HHATL: variants seen among roughly 807,000 people sequenced by gnomAD.
The protein encoded by HHATL is hedgehog acyltransferase like.
Under a neutral mutation model 59.7 loss-of-function variants are expected in HHATL, and 49 were observed. The observed-to-expected ratio is 0.82, with a 90% CI of 0.65 to 1.04. The LOEUF (loss-of-function observed/expected upper bound fraction) is 1.04, where lower values mean the gene tolerates loss of function less well. HHATL is among the 50% of genes least tolerant of loss of function. The pLI, the probability that HHATL is intolerant of heterozygous loss-of-function variation, is 0.00. For missense variants in HHATL, 605 were observed against 650.8 expected (o/e 0.93, Z 0.77); for synonymous variants, 238 against 257.3 (o/e 0.93, Z 0.72).
At chr3:42,700,942 C>A in intron 1 of HHATL, 103 bp from the exon 2 acceptor site, 3 of 704,876 alleles carry the variant, frequency 4.3e-6, no homozygotes, top group East Asian at 2.7e-5. Flanking sequence ...AGAGAGATTG[C>A]CCCTCCAGCC....
chr3:42,702,707 C>T lies in HHATL; in HGVS notation c.-142G>A, dbSNP rs542113336. On this transcript the variant is annotated 5_prime_UTR_variant, in exon 1 of 12. Transcript: ENST00000441594. ...TGGGGTGTGTCCAGCCCTGGGGTCCCCACCCCCTTGAGGTTATGAGCGGTG... is the reference window on the plus strand; with the variant it reads ...TGGGGTGTGTCCAGCCCTGGGGTCCTCACCCCCTTGAGGTTATGAGCGGTG... 7.1e-4 allele frequency: 108 copies of T among 152,950 alleles called. No homozygotes were observed. Among genetic ancestry groups the T allele is most frequent in the Non-Finnish European group, 1.1e-3 (78 of 68,552 alleles). 9.5% of individuals were successfully genotyped at this position (152,950 alleles called of 1,614,324 possible).
chr3:42,693,126 C>A lies in HHATL; in HGVS notation c.1341G>T (p.Leu447=). Residue 447 remains leucine, a synonymous_variant, in exon 11 of 12, where the codon CTG becomes CTT. Transcript: ENST00000441594. ...CCAGCTCTGTGAATTTGAGGCTGTT[C>A]AGGCTCACAAGGTTGTACATGATGA... ...WAIIMYNLVS[L]NSLKFTELVA... 6.2e-7 allele frequency: 1 copy of A among 1,614,194 alleles called. No individual in the cohort carries two copies. Among genetic ancestry groups the A allele is most frequent in the Non-Finnish European group, 8.5e-7 (1 of 1,180,042 alleles).
At chr3:42,700,391 TG>T (rs1697902496) in intron 2 of HHATL, among the ~76,000 whole-genome samples, 1 of 150,156 alleles carries the variant, frequency 6.7e-6, no homozygotes, top group African/African-American at 2.5e-5. Flanking sequence ...GGGATGTGTG[TG>T]TGTGTATGTC....
chr3:42,696,370 C>T (rs1243570243), intron 9 of HHATL, among the ~76,000 whole-genome samples: 2 of 152,170 alleles, frequency 1.3e-5, no homozygotes, highest in African/African-American at 4.8e-5. Flanking sequence ...CTAAAAACCA[C>T]CTGCCCACAC....
rs528759877 is a variant in HHATL at position 42,694,704 on chromosome 3, A to C, written c.1047-886T>G. On this transcript the variant is annotated intron_variant, in intron 9 of 11. Coordinates refer to ENST00000441594, the MANE Select transcript of HHATL (RefSeq NM_020707.4). ...CACCCACACAGTTGGTTTGTGTCTC[A>C]AGGCCTTTGCCCTTGTTGTTCCCTC... Among the ~76,000 whole-genome samples, 22 of 152,232 alleles carry C rather than the reference A, an allele frequency of 1.4e-4. No homozygotes were observed. In the East Asian group the frequency reaches 3.9e-3, roughly 27 times the overall value.
rs904664637 is a variant in HHATL, at chr3:42,697,554, G to T, written c.819C>A (p.Ile273=). The T allele has an allele frequency of 3.1e-6, 5 of 1,614,002 alleles. No individual in the cohort carries two copies. Among genetic ancestry groups the T allele is most frequent in the Non-Finnish European group, 4.2e-6 (5 of 1,179,988 alleles). Reference sequence around the variant, plus strand: ...GGTTGGCGAACTTGAGGTCGCTGGGGATAGTGAGGATGTAGAAGAAGTGAA... The same window carrying T: ...GGTTGGCGAACTTGAGGTCGCTGGGTATAGTGAGGATGTAGAAGAAGTGAA... The part of the protein sequence containing the change: ...IFFHFFYILT[I]PSDLKFANRL... The change falls in exon 7 of 12, where the codon ATC becomes ATA. Residue 273 remains isoleucine (I), a synonymous_variant. Transcript: ENST00000441594.
chr3:42,696,509 C>T lies in HHATL; in HGVS notation c.1046+333G>A, dbSNP rs114155241. Among the ~76,000 whole-genome samples, 928 of 152,288 alleles carry T rather than the reference C, an allele frequency of 6.1e-3. 10 individuals are homozygous for T. Among genetic ancestry groups the T allele is most frequent in the African/African-American group, 0.021 (870 of 41,546 alleles). On this transcript the variant is annotated intron_variant, in intron 9 of 11. Coordinates refer to ENST00000441594, the MANE Select transcript of HHATL (RefSeq NM_020707.4). The stretch of plus-strand genomic sequence containing the variant: ...ACTATACATTTCTTAAACTGAAGCC[C>T]TCTCTGGAAACTGCCCTCCATCCTC...
In HHATL at chr3:42,693,105, C is replaced by T. The variant is rs756329889; in HGVS notation, c.1362G>A (p.Glu454=). The stretch of plus-strand genomic sequence containing the variant: ...TGAGTAGCAGGCGCCGGGCAACCAG[C>T]TCTGTGAATTTGAGGCTGTTCAGGC... ...LVSLNSLKFT[E]LVARRLLLTG... is the part of the protein sequence containing the mutation. Residue 454 remains glutamate, a synonymous_variant, in exon 11 of 12, where the codon GAG becomes GAA. Transcript: ENST00000441594. The T allele has an allele frequency of 1.9e-6, 3 of 1,614,062 alleles. No individual in the cohort carries two copies. The East Asian group carries it at 6.7e-5, about 36-fold the overall frequency.
At chr3:42,702,184 C>A (rs1575253177) in intron 1 of HHATL, among the ~76,000 whole-genome samples, 2 of 152,342 alleles carry the variant, frequency 1.3e-5, no homozygotes, top group East Asian at 3.9e-4. Context: ...GGTGGAGGCA[C>A]CTCCTCATCA....
intron 11 of HHATL, 33 bp downstream of exon 11, chr3:42,693,044 C>T (rs746392510): frequency 1.9e-6 from 3 of 1,612,362 alleles, no homozygotes; most frequent in Non-Finnish European, 2.5e-6. Context: ...TGATGCCTGG[C>T]ACCTTCTGTA....
intron 7 of HHATL, 85 bp from the exon 8 acceptor site, chr3:42,697,230 G>T (rs1003041566): frequency 5.4e-6 from 8 of 1,469,050 alleles, no homozygotes; most frequent in Admixed American, 4.8e-5. Flanking sequence ...CTTCCTTGGG[G>T]AGACACCAGG....
Position 42,692,933 on chromosome 3 carries a change from T to A in HHATL, c.1391-58A>T. The A allele has an allele frequency of 2.5e-6, 4 of 1,594,426 alleles. No homozygotes were observed. The East Asian group carries it at 9.0e-5, about 36-fold the overall frequency. Reference sequence around the variant, plus strand: ...GCAGCACTGCATCCTCAGCGACTTTTGTCTTCCCACCCCTCTCCCCGCTTG... The same window carrying A: ...GCAGCACTGCATCCTCAGCGACTTTAGTCTTCCCACCCCTCTCCCCGCTTG... On this transcript the variant is annotated intron_variant, in intron 11 of 11. Coordinates refer to ENST00000441594, the MANE Select transcript of HHATL (RefSeq NM_020707.4).
In HHATL at chr3:42,697,112, C is replaced by T. The variant is rs367574005; in HGVS notation, c.899G>A (p.Trp300Ter). The change falls in exon 8 of 12, where the codon TGG becomes TAG. Residue 300 changes from tryptophan (W) to a stop codon, truncating the protein, a stop_gained. Transcript: ENST00000441594. LOFTEE classifies it high-confidence loss of function. ...GLAYSNLVYD[W>*]VKAAVLFGVV... ...ACCAAAGAGGACGGCCGCCTTCACCCAGTCATACACCAGGTTTGAATAGGC... is the reference window on the plus strand; with the variant it reads ...ACCAAAGAGGACGGCCGCCTTCACCTAGTCATACACCAGGTTTGAATAGGC... The T allele has an allele frequency of 1.3e-6, 2 of 1,553,070 alleles. No individual in the cohort carries two copies. Among genetic ancestry groups the T allele is most frequent in the East Asian group, 2.3e-5 (1 of 44,372 alleles).
chr3:42,692,670 G>GAA lies in HHATL; in HGVS notation c.*79_*80dup. On this transcript the variant is annotated 3_prime_UTR_variant, in exon 12 of 12. Transcript: ENST00000441594. ...GTCAGGGAACAGCCAAGCTGTTGTA[G>GAA]AAAAGTCTTTTATTCTATCGGTCAG... 1 of 1,598,850 alleles carries GAA rather than the reference G, an allele frequency of 6.3e-7. No individual in the cohort carries two copies. Among genetic ancestry groups the GAA allele is most frequent in the Admixed American group, 1.7e-5 (1 of 58,936 alleles).
chr3:42,698,055 G>A (rs891576031), intron 6 of HHATL, 87 bp downstream of exon 6: 4 of 1,344,104 alleles, frequency 3.0e-6, no homozygotes, highest in Non-Finnish European at 4.2e-6. Flanking sequence ...GATACAGCCT[G>A]CTTGGGGAAT....
At chr3:42,700,250 C>CTG (rs1314727250) in intron 2 of HHATL, among the ~76,000 whole-genome samples, 1 of 124,988 alleles carries the variant, frequency 8.0e-6, no homozygotes, top group African/African-American at 3.1e-5. Flanking sequence ...AGGTCTCTCT[C>CTG]TGTGTGTGTG....
In HHATL at chr3:42,700,775, C is replaced by T. The variant is rs1463866036; in HGVS notation, c.52G>A (p.Val18Met). Residue 18 changes from valine (V) to methionine (M), a missense_variant, in exon 2 of 12, where the codon GTG becomes ATG. By Grantham distance (21) the Val-to-Met change is conservative. Coordinates refer to ENST00000441594, the MANE Select transcript of HHATL (RefSeq NM_020707.4). ...GCATAGGCCAGGGCCCCACTCAGCACCAGAGAGTAGAGGCCCAGCTCAGCC... is the reference window on the plus strand; with the variant it reads ...GCATAGGCCAGGGCCCCACTCAGCATCAGAGAGTAGAGGCCCAGCTCAGCC... ...PAAELGLYSL[V>M]LSGALAYAGR... 3.7e-6 allele frequency: 6 copies of T among 1,613,796 alleles called. No individual in the cohort carries two copies. The highest frequency in any genetic ancestry group is 4.2e-6 in the Non-Finnish European group (5 of 1,179,886).
In HHATL at chr3:42,697,027, G is replaced by A. The variant is rs1400900388; in HGVS notation, c.984C>T (p.Ile328=). 8.1e-6 allele frequency: 13 copies of A among 1,602,182 alleles called. No homozygotes were observed. Among genetic ancestry groups the A allele is most frequent in the Non-Finnish European group, 1.1e-5 (13 of 1,173,030 alleles). The change falls in exon 8 of 12, where the codon ATC becomes ATT. Residue 328 remains isoleucine (I), a synonymous_variant. Transcript: ENST00000441594. ...TTTCCGCAAAGACGTAGAGTGCGGT[G>A]ATGCACTTGGGAGGCTGGGGTGGGT... ...HLDPPQPPKC[I]TALYVFAETH...
In HHATL at chr3:42,701,786, A is replaced by G. The variant is rs995038729; in HGVS notation, c.-14+793T>C. Among the ~76,000 whole-genome samples the G allele has an allele frequency of 1.3e-5, 2 of 152,206 alleles. No homozygotes were observed. Among genetic ancestry groups the G allele is most frequent in the Non-Finnish European group, 2.9e-5 (2 of 68,018 alleles). ...GGCTCAGGGGCTTCCCAAGGACTCC[A>G]TGGATACAGACATAGGACCCAAATT... On this transcript the variant is annotated intron_variant, in intron 1 of 11. Transcript: ENST00000441594. This position sits in a 1 kb window ranked among gnomAD's most constrained non-coding sequence, Gnocchi z 5.1.
Sources: gnomAD v4.1 joint callset for allele counts (sites outside exome capture counted in the v4.1 genomes callset) on GRCh38, gnomAD v4.1.1 for gene constraint, Gnocchi (gnomAD v3.1) non-coding constraint, MANE v1.5 for transcripts, NCBI Gene and HGNC (gene_info 2026-07-23, HGNC 2026-07-21) for gene names.